CREBL2: variants seen among roughly 807,000 people sequenced by gnomAD.
CREBL2 encodes the protein cAMP responsive element binding protein like 2, also known as cAMP-responsive element-binding protein-like 2.
A neutral mutation model predicts 19.5 loss-of-function variants in CREBL2; 4 were observed. The ratio of observed to expected loss-of-function variants is 0.20; its 90% confidence interval spans 0.10 to 0.47. CREBL2 has a LOEUF of 0.47. Ranked by LOEUF, CREBL2 falls within the 20% of genes least tolerant of loss-of-function variation. The pLI is 0.98. For missense variants in CREBL2, 85 were observed against 145.1 expected (o/e 0.59, Z 2.13); for synonymous variants, 42 against 46.6 (o/e 0.90, Z 0.40).
chr12:12,630,453 G>A (rs1055401304), intron 1 of CREBL2, among the ~76,000 whole-genome samples: 19 of 151,830 alleles, frequency 1.3e-4, no homozygotes, highest in African/African-American at 3.9e-4. Context: ...TGTCTCTTTC[G>A]GTCATGATTT....
Position 12,612,078 on chromosome 12 carries a change from C to A in CREBL2, c.-95C>A. ...GAGGAGGAGGCAGCCAGAACCATAT[C>A]CCCTTCTTCCTCGGGGCGGGGGCCG... On this transcript the variant is annotated 5_prime_UTR_variant, in exon 1 of 4. Transcript: ENST00000228865. The A allele has an allele frequency of 1.4e-6, 2 of 1,475,788 alleles. No individual in the cohort carries two copies. Among genetic ancestry groups the A allele is most frequent in the Non-Finnish European group, 1.9e-6 (2 of 1,066,490 alleles). 91.4% of individuals were successfully genotyped at this position (1,475,788 alleles called of 1,614,324 possible).
intron 1 of CREBL2, among the ~76,000 whole-genome samples, chr12:12,632,068 CTTTTTTTT>C (rs869253910): frequency 2.5e-5 from 2 of 80,626 alleles, no homozygotes; most frequent in South Asian, 5.1e-4. Context: ...CTATGCCTTT[CTTTTTTTT>C]TTTTTTTTTT....
intron 1 of CREBL2, among the ~76,000 whole-genome samples, chr12:12,626,921 A>G (rs1022840340): frequency 9.2e-5 from 14 of 152,082 alleles, no homozygotes; most frequent in Middle Eastern, 3.4e-3. Context: ...TAAACAAGCT[A>G]TCAAGCCACG....
At chr12:12,618,995 T>A (rs1805756396) in intron 1 of CREBL2, among the ~76,000 whole-genome samples, 1 of 151,506 alleles carries the variant, frequency 6.6e-6, no homozygotes, top group Admixed American at 6.6e-5. Context: ...GGCAGTACAG[T>A]CCAGCCTCAG....
At chr12:12,622,355 G>A (rs1479913382) in intron 1 of CREBL2, among the ~76,000 whole-genome samples, 1 of 152,172 alleles carries the variant, frequency 6.6e-6, no homozygotes, top group Non-Finnish European at 1.5e-5. Flanking sequence ...AGAGAATAGA[G>A]AGCTAAAGAG....
chr12:12,636,299 C>T (rs1945474668), intron 2 of CREBL2, among the ~76,000 whole-genome samples: 1 of 152,134 alleles, frequency 6.6e-6, no homozygotes, highest in Non-Finnish European at 1.5e-5. Context: ...TCACAATGCA[C>T]ATATATTTAC....
chr12:12,633,278 G>T (rs1196705729), intron 1 of CREBL2, among the ~76,000 whole-genome samples: 1 of 151,886 alleles, frequency 6.6e-6, no homozygotes, highest in Non-Finnish European at 1.5e-5. Flanking sequence ...TGACGATTGG[G>T]CCAGGCCCGG....
chr12:12,623,864 A>G (rs1021968698), intron 1 of CREBL2, among the ~76,000 whole-genome samples: 4 of 152,208 alleles, frequency 2.6e-5, no homozygotes, highest in African/African-American at 9.6e-5. Context: ...GTGTCCTTAT[A>G]AGACTAAGGT....
chr12:12,628,355 T>G (rs1945418758), intron 1 of CREBL2, among the ~76,000 whole-genome samples: 1 of 152,210 alleles, frequency 6.6e-6, no homozygotes, highest in Non-Finnish European at 1.5e-5. Context: ...TTTTTAAAAT[T>G]GGGTTGTCTT....
chr12:12,630,448 C>T (rs1945435094), intron 1 of CREBL2, among the ~76,000 whole-genome samples: 1 of 151,964 alleles, frequency 6.6e-6, no homozygotes, highest in African/African-American at 2.4e-5. Context: ...AATGGTGTCT[C>T]TTTCGGTCAT....
intron 1 of CREBL2, among the ~76,000 whole-genome samples, chr12:12,613,873 A>C (rs912155760): frequency 6.6e-6 from 1 of 151,560 alleles, no homozygotes; most frequent in East Asian, 1.9e-4. Context: ...TTTCCAAGAC[A>C]GAAGGGTAGC....
At chr12:12,623,816 T>C (rs1019478791) in intron 1 of CREBL2, among the ~76,000 whole-genome samples, 1 of 152,186 alleles carries the variant, frequency 6.6e-6, no homozygotes, top group African/African-American at 2.4e-5. Flanking sequence ...GAGGAGCTTA[T>C]CCTCCATTAT....
Position 12,641,992 on chromosome 12 carries a change from A to C in CREBL2, c.359-2A>C. ...CTTACATTGGTAACTTTTATTTTTC[A>C]GGGTGAAGATTATATAAAGATGAGT... On this transcript the variant is annotated splice_acceptor_variant, in intron 3 of 3. Coordinates refer to ENST00000228865, the MANE Select transcript of CREBL2 (RefSeq NM_001310.4). LOFTEE classifies it high-confidence loss of function. 4 of 1,551,718 alleles carry C rather than the reference A, an allele frequency of 2.6e-6. No homozygotes were observed. The South Asian group carries it at 4.6e-5, about 18-fold the overall frequency.
At chr12:12,624,369 T>C (rs1174870250) in intron 1 of CREBL2, among the ~76,000 whole-genome samples, 1 of 152,184 alleles carries the variant, frequency 6.6e-6, no homozygotes, top group Non-Finnish European at 1.5e-5. Flanking sequence ...GGTGGGGAGA[T>C]GCACTGGGAA....
chr12:12,640,704 G>A (rs941928580), intron 3 of CREBL2, among the ~76,000 whole-genome samples: 1 of 152,168 alleles, frequency 6.6e-6, no homozygotes, highest in African/African-American at 2.4e-5. Flanking sequence ...ATGTTCCTCT[G>A]CCGCGGCTCC....
chr12:12,619,967 G>T (rs1015037177), intron 1 of CREBL2, among the ~76,000 whole-genome samples: 2 of 152,106 alleles, frequency 1.3e-5, no homozygotes, highest in African/African-American at 4.8e-5. Flanking sequence ...ATTCTTTCCA[G>T]TTCTGAGTAG....
At chr12:12,613,684 G>A (rs1343294203) in intron 1 of CREBL2, among the ~76,000 whole-genome samples, 1 of 152,056 alleles carries the variant, frequency 6.6e-6, no homozygotes, top group African/African-American at 2.4e-5. Context: ...AGGGGGGCGA[G>A]TTTCAGGAAG....
Position 12,612,091 on chromosome 12 carries a change from G to C in CREBL2, c.-82G>C. 2.6e-6 allele frequency: 4 copies of C among 1,558,696 alleles called. No homozygotes were observed. The highest frequency in any genetic ancestry group is 2.2e-5 in the South Asian group (2 of 90,004). On this transcript the variant is annotated 5_prime_UTR_variant, in exon 1 of 4. Coordinates refer to ENST00000228865, the MANE Select transcript of CREBL2 (RefSeq NM_001310.4). ...CCAGAACCATATCCCCTTCTTCCTC[G>C]GGGCGGGGGCCGGGCCAGGCCGGCT...
intron 1 of CREBL2, chr12:12,632,637 TGAA>T (rs976280632): frequency 3.3e-5 from 5 of 152,134 alleles, no homozygotes; most frequent in Admixed American, 6.5e-5. Context: ...TTTTACTACA[TGAA>T]GAATAGATGT....
Sources: allele counts gnomAD v4.1 joint callset (sites outside exome capture counted in the v4.1 genomes callset), GRCh38; gene constraint gnomAD v4.1.1; transcripts MANE v1.5; gene names NCBI Gene and HGNC (gene_info 2026-07-23, HGNC 2026-07-21).